Variants in DMD observed in about 807,000 individuals in gnomAD.
DMD encodes dystrophin.
Under a neutral mutation model 330.1 loss-of-function variants are expected in DMD, and 63 were observed. The ratio of observed to expected loss-of-function variants is 0.19; its 90% CI spans 0.16 to 0.24. DMD has a LOEUF of 0.24. Ranked by LOEUF, DMD falls within the 10% of genes least tolerant of loss-of-function variation. DMD has a pLI of 1.00. For synonymous variants in DMD, 1,223 were observed against 959.8 expected (o/e 1.27, Z -5.07); for missense variants, 3,344 against 2,684.1 (o/e 1.25, Z -5.43).
intron 30 of DMD, among the ~76,000 whole-genome samples, chrX:32,409,216 C>A (rs1419000203): frequency 9.0e-6 from 1 of 111,347 alleles, no homozygotes; most frequent in Non-Finnish European, 1.9e-5. Context: ...CTTGTATTCT[C>A]CAATATTATG....
chrX:32,357,582 C>A (rs368886911), intron 37 of DMD, among the ~76,000 whole-genome samples: 29 of 109,150 alleles, frequency 2.7e-4, no homozygotes, highest in East Asian at 1.7e-3. Context: ...GCAATAGCTC[C>A]CGAACTTCAT....
chrX:32,827,645 T>C (rs1172058986), intron 4 of DMD, among the ~76,000 whole-genome samples: 2 of 96,187 alleles, frequency 2.1e-5, no homozygotes, highest in Non-Finnish European at 4.0e-5. Context: ...CCATGTGTTC[T>C]TGTTATTAAC....
intron 49 of DMD, among the ~76,000 whole-genome samples, chrX:31,826,382 G>C (rs1384355218): frequency 1.8e-5 from 2 of 112,389 alleles, no homozygotes; most frequent in Non-Finnish European, 3.8e-5. Flanking sequence ...AATGACTACA[G>C]TTTTTGATTT....
intron 55 of DMD, among the ~76,000 whole-genome samples, chrX:31,535,817 C>G (rs1006682814): frequency 1.8e-5 from 2 of 111,746 alleles, no homozygotes; most frequent in South Asian, 7.5e-4. Context: ...ATGAACATGA[C>G]AGACACTGTC....
rs1158324376 is a variant in DMD, at chrX:32,435,298, T to TATATATATATATATATA, written c.4071+2942_4071+2943insTATATATATATATATAT. The stretch of plus-strand genomic sequence containing the variant: ...TACATATATATATATATATATATAT[T>TATATATATATATATATA]TACACCCATACAAACACACACACAC... On this transcript the variant is annotated intron_variant, in intron 29 of 78. Coordinates refer to ENST00000357033, the MANE Select transcript of DMD (RefSeq NM_004006.3). Among the ~76,000 whole-genome samples the TATATATATATATATATA allele has an allele frequency of 2.4e-4, 15 of 61,663 alleles. 1 individual carries two copies. The highest frequency in any genetic ancestry group is 4.5e-4 in the African/African-American group (9 of 20,135). 53.5% of individuals were successfully genotyped at this position (61,663 alleles called of 115,157 possible).
rs369274433 is a variant in DMD, at chrX:32,055,166, G to T, written c.6439-86652C>A. On this transcript the variant is annotated intron_variant, in intron 44 of 78. Coordinates refer to ENST00000357033, the MANE Select transcript of DMD (RefSeq NM_004006.3). The stretch of plus-strand genomic sequence containing the variant: ...CAAGCTGCTCATTGACGAAAATCTC[G>T]TCCCTTATATCAGACTCAATCTCCT... 5.4e-5 allele frequency among the ~76,000 whole-genome samples: 6 copies of T among 110,912 alleles called. No homozygotes were observed. The East Asian group carries it at 1.7e-3, about 32-fold the overall frequency.
At chrX:31,857,380 GAAAAAAAAAAAAAA>G (rs57685055) in intron 48 of DMD, among the ~76,000 whole-genome samples, 35 of 36,771 alleles carry the variant, frequency 9.5e-4, no homozygotes, top group African/African-American at 3.0e-3. Flanking sequence ...CTCCACCTCG[GAAAAAAAAAAAAAA>G]AAAAAAAAAA....
intron 60 of DMD, among the ~76,000 whole-genome samples, chrX:31,394,938 TGA>T (rs757803694): frequency 3.6e-4 from 31 of 86,540 alleles, no homozygotes; most frequent in South Asian, 6.8e-4. Context: ...GAGAGAAGGG[TGA>T]GAGAGAGAGA....
intron 25 of DMD, among the ~76,000 whole-genome samples, chrX:32,462,110 A>G (rs2098385532): frequency 9.0e-6 from 1 of 111,630 alleles, no homozygotes; most frequent in Non-Finnish European, 1.9e-5. Flanking sequence ...AAGGTACAGT[A>G]GTTCCCTTGT....
chrX:31,600,510 GTT>G (rs1177947507), intron 55 of DMD, among the ~76,000 whole-genome samples: 152 of 50,460 alleles, frequency 3.0e-3, no homozygotes, highest in African/African-American at 0.011. Context: ...GCCAACTATG[GTT>G]TTTTTTTTTT....
At chrX:31,621,988 C>T (rs967211921) in intron 55 of DMD, among the ~76,000 whole-genome samples, 2 of 111,715 alleles carry the variant, frequency 1.8e-5, no homozygotes, top group African/African-American at 6.5e-5. Flanking sequence ...GTAGGACATG[C>T]TATGCTCAAT....
intron 9 of DMD, among the ~76,000 whole-genome samples, chrX:32,695,931 G>C (rs770981841): frequency 8.9e-6 from 1 of 111,858 alleles, no homozygotes; most frequent in Admixed American, 9.5e-5. Context: ...TGAGAAAAAT[G>C]TTTCATCAGT....
intron 7 of DMD, among the ~76,000 whole-genome samples, chrX:32,772,678 T>C (rs2073737157): frequency 9.0e-6 from 1 of 111,263 alleles, no homozygotes; most frequent in Admixed American, 9.6e-5. Flanking sequence ...TTTCTCCCTA[T>C]GTAAGTGAAC....
At chrX:32,456,056 G>T (rs886681593) in intron 25 of DMD, among the ~76,000 whole-genome samples, 7 of 106,519 alleles carry the variant, frequency 6.6e-5, no homozygotes, top group African/African-American at 2.4e-4. Flanking sequence ...CTTCTCTCTG[G>T]TTGAAACAAC....
At chrX:32,927,443 A>G (rs1361096541) in intron 2 of DMD, among the ~76,000 whole-genome samples, 2 of 98,372 alleles carry the variant, frequency 2.0e-5, no homozygotes, top group Admixed American at 1.2e-4. Flanking sequence ...ATCTCAGCTC[A>G]CCACAACCTC....
chrX:31,994,814 G>T (rs1178028888), intron 44 of DMD, among the ~76,000 whole-genome samples: 1 of 112,238 alleles, frequency 8.9e-6, no homozygotes, highest in African/African-American at 3.2e-5. Flanking sequence ...ATAGGGAAAT[G>T]AATTTCTCCC....
At chrX:31,353,192 G>A (rs181806368) in intron 60 of DMD, among the ~76,000 whole-genome samples, 11 of 110,925 alleles carry the variant, frequency 9.9e-5, no homozygotes, top group African/African-American at 3.6e-4. Context: ...GCAGAACAGT[G>A]GTGTTGAGGA....
At chrX:31,529,641 G>A (rs1207440353) in intron 55 of DMD, among the ~76,000 whole-genome samples, 1 of 111,741 alleles carries the variant, frequency 8.9e-6, no homozygotes, top group Non-Finnish European at 1.9e-5. Flanking sequence ...CACTGCACCT[G>A]TTTCTTACAT....
At chrX:32,164,790 C>A (rs756276911) in intron 44 of DMD, among the ~76,000 whole-genome samples, 105 of 92,576 alleles carry the variant, frequency 1.1e-3, no homozygotes, top group South Asian at 0.01. Flanking sequence ...TTTCGTGGAC[C>A]AGGTCCCCCC....
Sources: gnomAD v4.1 joint callset for allele counts (sites outside exome capture counted in the v4.1 genomes callset) on GRCh38, gnomAD v4.1.1 for gene constraint, MANE v1.5 for transcripts, NCBI Gene and HGNC (gene_info 2026-07-23, HGNC 2026-07-21) for gene names.